The following SIPA1L3 variants were observed in gnomAD, a reference collection of about 807,000 sequenced individuals.
SIPA1L3 encodes the protein signal-induced proliferation-associated 1-like protein 3.
SIPA1L3 carries 59 observed loss-of-function variants against 150.1 expected under a neutral mutation model. The observed-to-expected ratio is 0.39, with a 90% CI of 0.32 to 0.49. SIPA1L3 has a LOEUF of 0.49. Ranked by LOEUF, SIPA1L3 falls within the 20% of genes least tolerant of loss-of-function variation. The probability of loss-of-function intolerance (pLI) is 0.86; values close to 1 mark genes in which losing one functional copy is unlikely to be tolerated. For missense variants in SIPA1L3, 2,211 were observed against 2,489.5 expected (o/e 0.89, Z 2.38); for synonymous variants, 1,070 against 1,077.6 (o/e 0.99, Z 0.14).
chr19:38,134,134 C>T (rs538881074), intron 10 of SIPA1L3, among the ~76,000 whole-genome samples: 66 of 151,980 alleles, frequency 4.3e-4, no homozygotes, highest in Admixed American at 2.4e-3. Flanking sequence ...CAGGCATGCA[C>T]CACCACACCC....
intron 7 of SIPA1L3, among the ~76,000 whole-genome samples, chr19:38,107,446 G>T (rs752776282): frequency 6.6e-6 from 1 of 152,158 alleles, no homozygotes; most frequent in Non-Finnish European, 1.5e-5. Context: ...GGTGGGCAGC[G>T]CCACCAAACA....
At chr19:37,975,181 C>T (rs1967045261) in intron 1 of SIPA1L3, among the ~76,000 whole-genome samples, 3 of 152,176 alleles carry the variant, frequency 2.0e-5, no homozygotes, top group South Asian at 4.1e-4. Flanking sequence ...CAACAGATAA[C>T]TTCAGAGTCC....
chr19:38,111,088 G>A (rs10404957), intron 8 of SIPA1L3, among the ~76,000 whole-genome samples: 98,073 of 150,086 alleles, frequency 0.65, 33,460 homozygotes, highest in African/African-American at 0.85. Flanking sequence ...CAGTGGTGCA[G>A]TCATAGCTCA....
intron 2 of SIPA1L3, among the ~76,000 whole-genome samples, chr19:38,054,879 T>A (rs528701886): frequency 2.0e-5 from 3 of 152,232 alleles, no homozygotes; most frequent in South Asian, 2.1e-4. Flanking sequence ...CTGCCATGAG[T>A]CCTTGGTGAT....
At chr19:38,145,050 A>AG (rs1281265203) in intron 12 of SIPA1L3, among the ~76,000 whole-genome samples, 1 of 152,148 alleles carries the variant, frequency 6.6e-6, no homozygotes, top group African/African-American at 2.4e-5. Flanking sequence ...AGGTGACAGC[A>AG]GGGGCTGAGG....
At chr19:38,133,192 G>C (rs1222863227) in intron 10 of SIPA1L3, among the ~76,000 whole-genome samples, 1 of 152,192 alleles carries the variant, frequency 6.6e-6, no homozygotes, top group East Asian at 1.9e-4. Context: ...CCCTGCAAGT[G>C]ACACTAGGGG....
chr19:38,132,253 AGTTGTTCATC>A, intron 10 of SIPA1L3, among the ~76,000 whole-genome samples: 1 of 151,748 alleles, frequency 6.6e-6, no homozygotes, highest in South Asian at 2.1e-4. Flanking sequence ...TTTTTTAAAC[AGTTGTTCATC>A]AGAATTCTCC....
intron 1 of SIPA1L3, among the ~76,000 whole-genome samples, chr19:37,927,993 A>T (rs1356137351): frequency 6.6e-6 from 1 of 152,146 alleles, no homozygotes; most frequent in Non-Finnish European, 1.5e-5. Context: ...GTTGATTCAC[A>T]TGCTATCGTG....
chr19:38,082,331 G>A lies in SIPA1L3; in HGVS notation c.766G>A (p.Gly256Arg), dbSNP rs955087033. The A allele has an allele frequency of 3.1e-6, 5 of 1,598,366 alleles. No individual in the cohort carries two copies. The highest frequency in any genetic ancestry group is 4.2e-6 in the Non-Finnish European group (5 of 1,178,828). Residue 256 changes from glycine to arginine, a missense_variant, in exon 3 of 22, where the codon GGA becomes AGA. Coordinates refer to ENST00000222345, the MANE Select transcript of SIPA1L3 (RefSeq NM_015073.3). ...CCCACACCTCATGGGGGGCGGCGGC[G>A]GAGCCAAGGGGGACTCCCACAACGG... ...PGPHLMGGGG[G>R]AKGDSHNGQP...
intron 8 of SIPA1L3, among the ~76,000 whole-genome samples, chr19:38,118,691 G>A (rs755635853): frequency 6.6e-6 from 1 of 151,344 alleles, no homozygotes; most frequent in Non-Finnish European, 1.5e-5. Flanking sequence ...CCACCACCAC[G>A]CCCAGCTAAT....
At chr19:37,908,100 A>G in intron 1 of SIPA1L3, 1 of 152,254 alleles carries the variant, frequency 6.6e-6, no homozygotes, top group East Asian at 1.9e-4. Flanking sequence ...TTAGCACAGC[A>G]GCTGGCATAT....
chr19:38,078,568 A>G, intron 2 of SIPA1L3, among the ~76,000 whole-genome samples: 1 of 150,670 alleles, frequency 6.6e-6, no homozygotes, highest in Non-Finnish European at 1.5e-5. Flanking sequence ...ACACAGACAT[A>G]CACAGAGACA....
intron 4 of SIPA1L3, among the ~76,000 whole-genome samples, chr19:38,092,057 C>G (rs1486379758): frequency 7.1e-6 from 1 of 141,220 alleles, no homozygotes; most frequent in Non-Finnish European, 1.5e-5. Flanking sequence ...CAGTGAGACT[C>G]CATCTCAAAA....
chr19:38,080,285 C>T (rs992114604), intron 2 of SIPA1L3, among the ~76,000 whole-genome samples: 1 of 152,192 alleles, frequency 6.6e-6, no homozygotes, highest in African/African-American at 2.4e-5. Context: ...GGACAATAGT[C>T]TGGCCTCTGC....
At chr19:38,142,031 A>G (rs1451746501) in intron 11 of SIPA1L3, among the ~76,000 whole-genome samples, 4 of 152,140 alleles carry the variant, frequency 2.6e-5, no homozygotes, top group Non-Finnish European at 5.9e-5. Context: ...GATAAGCACA[A>G]AATTTAGGAC....
At chr19:38,197,865 C>A (rs1019912401) in intron 18 of SIPA1L3, among the ~76,000 whole-genome samples, 2 of 140,434 alleles carry the variant, frequency 1.4e-5, no homozygotes, top group African/African-American at 6.0e-5. Context: ...TCCCTGTCTC[C>A]CCCCAAATCC....
chr19:38,082,362 C>A lies in SIPA1L3; in HGVS notation c.797C>A (p.Pro266His), dbSNP rs1176921322. 3.1e-6 allele frequency: 5 copies of A among 1,597,382 alleles called. No homozygotes were observed. Residue 266 changes from proline to histidine, a missense_variant, in exon 3 of 22, where the codon CCC becomes CAC. Transcript: ENST00000222345. ...AAGGGGGACTCCCACAACGGGCAGC[C>A]CGCCAAGGACAGCCTCCTGCCACTG... is the stretch of plus-strand genomic sequence containing the variant. ...GAKGDSHNGQ[P>H]AKDSLLPLQP...
At chr19:38,118,381 C>T (rs907974040) in intron 8 of SIPA1L3, among the ~76,000 whole-genome samples, 3 of 151,704 alleles carry the variant, frequency 2.0e-5, no homozygotes, top group Non-Finnish European at 4.4e-5. Flanking sequence ...GCCGAGATTG[C>T]GCCACTGCCC....
At chr19:38,115,800 T>G (rs1970868819) in intron 8 of SIPA1L3, among the ~76,000 whole-genome samples, 1 of 152,258 alleles carries the variant, frequency 6.6e-6, no homozygotes, top group South Asian at 2.1e-4. Flanking sequence ...TAACATGCCC[T>G]GTTCCCTTTC....
Sources: allele counts gnomAD v4.1 joint callset (sites outside exome capture counted in the v4.1 genomes callset), GRCh38; gene constraint gnomAD v4.1.1; transcripts MANE v1.5; gene names NCBI Gene and HGNC (gene_info 2026-07-23, HGNC 2026-07-21).